FAM184B: variants seen among roughly 807,000 people sequenced by gnomAD.
The protein encoded by FAM184B is family with sequence similarity 184 member B.
In FAM184B, 111 loss-of-function variants were observed where a neutral mutation model predicts 135.9. The ratio of observed to expected loss-of-function variants is 0.82; its 90% CI spans 0.70 to 0.96. FAM184B has a LOEUF of 0.96. Ranked by LOEUF, FAM184B falls within the 40% of genes least tolerant of loss-of-function variation. The probability of loss-of-function intolerance (pLI) is 0.00; values close to 1 mark genes in which losing one functional copy is unlikely to be tolerated. For synonymous variants in FAM184B, 552 were observed against 524.8 expected (o/e 1.05, Z -0.71); for missense variants, 1,375 against 1,323.9 (o/e 1.04, Z -0.60).
Position 17,712,336 on chromosome 4 carries a change from A to C in FAM184B, c.142-2692T>G, listed in dbSNP as rs538615795. Among the ~76,000 whole-genome samples the C allele has an allele frequency of 1.9e-3, 290 of 152,104 alleles. 1 individual carries two copies. The highest frequency in any genetic ancestry group is 6.6e-3 in the African/African-American group (274 of 41,472). On this transcript the variant is annotated intron_variant, in intron 1 of 17. Transcript: ENST00000265018. ...GACTGAGAAATCCAGGGCAGAGTGA[A>C]CCCCACATGAGACGTCCTCACTGAG...
intron 1 of FAM184B, among the ~76,000 whole-genome samples, chr4:17,758,694 T>C (rs1313872976): frequency 6.6e-6 from 1 of 152,178 alleles, no homozygotes; most frequent in Non-Finnish European, 1.5e-5. Flanking sequence ...TTGGAGGCCA[T>C]TAAATGGCAC....
At chr4:17,749,997 C>T (rs755057322) in intron 1 of FAM184B, among the ~76,000 whole-genome samples, 6 of 152,100 alleles carry the variant, frequency 3.9e-5, no homozygotes, top group Non-Finnish European at 7.4e-5. Context: ...TTGCTGTTTA[C>T]ACCTATGTTG....
chr4:17,651,537 C>CAAAAAA (rs751455835), intron 11 of FAM184B, among the ~76,000 whole-genome samples: 30 of 43,076 alleles, frequency 7.0e-4, no homozygotes, highest in South Asian at 1.8e-3. Context: ...GACTCTGTCT[C>CAAAAAA]AAAAAAAAAA....
chr4:17,695,372 C>T (rs1716832182), intron 5 of FAM184B, among the ~76,000 whole-genome samples: 1 of 152,036 alleles, frequency 6.6e-6, no homozygotes, highest in Non-Finnish European at 1.5e-5. Flanking sequence ...TGCTATGTAG[C>T]CCAGGCTGGT....
chr4:17,687,331 G>A (rs1028133302), intron 7 of FAM184B, among the ~76,000 whole-genome samples: 8 of 152,202 alleles, frequency 5.3e-5, no homozygotes, highest in African/African-American at 1.2e-4. Context: ...ATTGAAGGCC[G>A]TGAGTTTTTT....
chr4:17,720,113 G>A (rs1301701518), intron 1 of FAM184B, among the ~76,000 whole-genome samples: 3 of 152,048 alleles, frequency 2.0e-5, no homozygotes, highest in Non-Finnish European at 4.4e-5. Flanking sequence ...AAATTTCCTT[G>A]GGGTCTCACT....
At chr4:17,643,984 C>A (rs973861432) in intron 12 of FAM184B, among the ~76,000 whole-genome samples, 10 of 152,240 alleles carry the variant, frequency 6.6e-5, no homozygotes, top group African/African-American at 2.4e-4. Context: ...ACAACAAGTG[C>A]TCCAGGATCT....
At chr4:17,634,814 G>A (rs1715072383) in intron 16 of FAM184B, among the ~76,000 whole-genome samples, 195 bp downstream of exon 16, 1 of 151,400 alleles carries the variant, frequency 6.6e-6, no homozygotes, top group African/African-American at 2.4e-5. Context: ...TAGAAAATTT[G>A]GAAAATACAA....
At chr4:17,762,315 G>A (rs1010600250) in intron 1 of FAM184B, among the ~76,000 whole-genome samples, 1 of 152,142 alleles carries the variant, frequency 6.6e-6, no homozygotes, top group Non-Finnish European at 1.5e-5. Context: ...AGAATGCCAC[G>A]TAACAAACTA....
At chr4:17,652,274 G>GCC (rs1375383877) in intron 11 of FAM184B, among the ~76,000 whole-genome samples, 4 of 151,694 alleles carry the variant, frequency 2.6e-5, no homozygotes, top group Admixed American at 1.3e-4. Flanking sequence ...ACAGACACCT[G>GCC]CCACCACGCC....
At chr4:17,693,076 C>T (rs1042194243) in intron 6 of FAM184B, among the ~76,000 whole-genome samples, 6 of 152,044 alleles carry the variant, frequency 3.9e-5, no homozygotes, top group Non-Finnish European at 7.4e-5. Context: ...CCAACACCAG[C>T]GGCCTCCTGT....
intron 1 of FAM184B, among the ~76,000 whole-genome samples, chr4:17,771,816 C>G (rs1015003995): frequency 1.3e-5 from 2 of 152,200 alleles, no homozygotes; most frequent in Non-Finnish European, 2.9e-5. Flanking sequence ...TGAAGTTCCT[C>G]CAGTTCAGAA....
rs140834946 is a variant in FAM184B at position 17,730,126 on chromosome 4, C to T, written c.142-20482G>A. 4.5e-3 allele frequency among the ~76,000 whole-genome samples: 685 copies of T among 152,046 alleles called. 25 individuals carry two copies. The East Asian group carries it at 0.084, about 19-fold the overall frequency. ...AGAATTACTTGAAGAATGCAGAAGC[C>T]CCAGGAGCCAATGTGATCAACTGGA... On this transcript the variant is annotated intron_variant, in intron 1 of 17. Coordinates refer to ENST00000265018, the MANE Select transcript of FAM184B (RefSeq NM_015688.2).
At chr4:17,671,667 T>C (rs1716171247) in intron 7 of FAM184B, among the ~76,000 whole-genome samples, 1 of 151,956 alleles carries the variant, frequency 6.6e-6, no homozygotes, top group South Asian at 2.1e-4. Flanking sequence ...TCTCCATAAA[T>C]TGACCCTAAT....
chr4:17,724,505 C>T (rs926206968), intron 1 of FAM184B, among the ~76,000 whole-genome samples: 1 of 152,186 alleles, frequency 6.6e-6, no homozygotes, highest in Non-Finnish European at 1.5e-5. Context: ...TGGTGAGAAA[C>T]CAAAATTGGT....
At chr4:17,645,380 T>C (rs1455887731) in intron 12 of FAM184B, among the ~76,000 whole-genome samples, 1 of 152,084 alleles carries the variant, frequency 6.6e-6, no homozygotes, top group African/African-American at 2.4e-5. Context: ...AAAACAGAGA[T>C]ATAGACCAAT....
chr4:17,762,965 C>T lies in FAM184B; in HGVS notation c.141+18194G>A, dbSNP rs551233014. ...TGCACCTTCCGGATCTCCTCATTGC[C>T]CTGGCCTACACAGCTGAACAGCTCT... On this transcript the variant is annotated intron_variant, in intron 1 of 17. Coordinates refer to ENST00000265018, the MANE Select transcript of FAM184B (RefSeq NM_015688.2). Among the ~76,000 whole-genome samples, 198 of 152,284 alleles carry T rather than the reference C, an allele frequency of 1.3e-3. 1 individual carries two copies. The highest frequency in any genetic ancestry group is 4.6e-3 in the African/African-American group (190 of 41,544).
At chr4:17,743,596 C>T (rs1718094019) in intron 1 of FAM184B, among the ~76,000 whole-genome samples, 1 of 152,166 alleles carries the variant, frequency 6.6e-6, no homozygotes, top group African/African-American at 2.4e-5. Context: ...TCTTGTGCTC[C>T]CTCTGTCCTC....
chr4:17,699,941 T>C (rs910916886), intron 5 of FAM184B, among the ~76,000 whole-genome samples: 1 of 151,948 alleles, frequency 6.6e-6, no homozygotes, highest in African/African-American at 2.4e-5. Context: ...GAAATGAAAA[T>C]GTATTATCAT....
Sources: gnomAD v4.1 joint callset for allele counts (sites outside exome capture counted in the v4.1 genomes callset) on GRCh38, gnomAD v4.1.1 for gene constraint, MANE v1.5 for transcripts, NCBI Gene and HGNC (gene_info 2026-07-23, HGNC 2026-07-21) for gene names.